The following RSPH10B variants were observed in gnomAD, a reference collection of about 807,000 sequenced individuals.
The protein encoded by RSPH10B is radial spoke head 10 homolog B (Chlamydomonas).
A neutral mutation model predicts 52.5 loss-of-function variants in RSPH10B; 7 were observed. The ratio of observed to expected loss-of-function variants is 0.13; its 90% CI spans 0.08 to 0.25. The LOEUF (loss-of-function observed/expected upper bound fraction) is 0.25, where lower values mean the gene tolerates loss of function less well. Ranked by LOEUF, RSPH10B falls within the 10% of genes least tolerant of loss-of-function variation. The pLI is 1.00. For synonymous variants in RSPH10B, 28 were observed against 193.2 expected, an observed-to-expected ratio of 0.14 and a Z score of 7.09; for missense variants, 89 against 542.5, an observed-to-expected ratio of 0.16 and a Z score of 8.30.
intron 10 of RSPH10B, among the ~76,000 whole-genome samples, chr7:5,947,891 T>TGTGTGTGA (rs1216412138): frequency 2.2e-5 from 2 of 92,798 alleles, no homozygotes; most frequent in African/African-American, 4.3e-5. Context: ...TGTGTGTGTG[T>TGTGTGTGA]GATGGAGTCT....
At position 5,928,294 on chromosome 7, in the gene RSPH10B, T is replaced by C. The variant is rs141918299; in HGVS notation, c.2334A>G (p.Lys778=). ...TTTTCTCCTTGATAGCTTCTTCACG[T>C]TTATACGCATGAAAGAGCGTGTTCA... The change falls in exon 18 of 19, where the codon AAA becomes AAG. Residue 778 remains lysine, a synonymous_variant. Coordinates refer to ENST00000337579, the Ensembl canonical transcript of RSPH10B. 2,024 of 1,613,246 alleles carry C rather than the reference T, an allele frequency of 1.3e-3. 5 individuals carry two copies. Among genetic ancestry groups the C allele is most frequent in the Non-Finnish European group, 1.6e-3 (1,921 of 1,179,636 alleles).
chr7:5,968,499 G>GTT (rs1562584877), upstream of RSPH10B, among the ~76,000 whole-genome samples: 1 of 79,524 alleles, frequency 1.3e-5, no homozygotes, highest in African/African-American at 4.2e-5. Context: ...CTATGGGTTT[G>GTT]TTTATTTATT....
chr7:5,944,902 G>A (rs1471398519), intron 11 of RSPH10B, among the ~76,000 whole-genome samples, 162 bp downstream of exon 13: 2 of 148,488 alleles, frequency 1.3e-5, no homozygotes, highest in Admixed American at 6.8e-5. Flanking sequence ...GGCAGAGGTT[G>A]CAGTGAGCCA....
chr7:5,927,603 T>G (rs1779568382), intron 18 of RSPH10B, among the ~76,000 whole-genome samples: 1 of 141,282 alleles, frequency 7.1e-6, no homozygotes, highest in African/African-American at 2.8e-5. Context: ...ATATAGTCAT[T>G]ACCCCAAAGA....
intron 17 of RSPH10B, among the ~76,000 whole-genome samples, chr7:5,931,316 G>A (rs1419375629): frequency 1.3e-5 from 2 of 151,076 alleles, no homozygotes; most frequent in Non-Finnish European, 3.0e-5. Context: ...AACGGGAAAC[G>A]ACAGGCACTG....
intron 17 of RSPH10B, among the ~76,000 whole-genome samples, chr7:5,928,666 C>CT (rs1779659293): frequency 6.9e-6 from 1 of 144,726 alleles, no homozygotes; most frequent in African/African-American, 2.6e-5. Flanking sequence ...GAATCTCACT[C>CT]TGTCACCCAG....
intron 17 of RSPH10B, 22 bp from the exon 20 acceptor site, chr7:5,928,416 C>G: frequency 6.2e-7 from 1 of 1,603,838 alleles, no homozygotes; most frequent in Non-Finnish European, 8.5e-7. Context: ...TTTCATGAAG[C>G]TGAACATGAA....
chr7:5,938,342 T>C (rs1186342527), intron 14 of RSPH10B, among the ~76,000 whole-genome samples: 1 of 113,210 alleles, frequency 8.8e-6, no homozygotes, highest in Non-Finnish European at 2.0e-5. Flanking sequence ...CCGAGGCAGG[T>C]GGATCACGAG....
At chr7:5,927,022 C>G (rs1313384302) in intron 18 of RSPH10B, among the ~76,000 whole-genome samples, 1 of 95,926 alleles carries the variant, frequency 1.0e-5, no homozygotes, top group Non-Finnish European at 2.1e-5. Context: ...CCCAAAGTTA[C>G]GTGTGTGTGT....
chr7:5,927,070 A>ATTGTGTGTG (rs1554284566), intron 18 of RSPH10B, among the ~76,000 whole-genome samples: 7 of 110,724 alleles, frequency 6.3e-5, no homozygotes, highest in African/African-American at 2.3e-4. Context: ...GTGTGTGTAT[A>ATTGTGTGTG]TGTGTGTGTG....
intron 18 of RSPH10B, among the ~76,000 whole-genome samples, chr7:5,927,100 T>TGTA (rs1779530712): frequency 1.1e-4 from 7 of 63,640 alleles, no homozygotes; most frequent in Non-Finnish European, 2.2e-4. Flanking sequence ...GTGTGTGTAT[T>TGTA]TTTTTTTTTG....
intron 13 of RSPH10B, among the ~76,000 whole-genome samples, chr7:5,941,755 T>A: frequency 1.4e-5 from 2 of 139,596 alleles, no homozygotes; most frequent in Non-Finnish European, 3.2e-5. Flanking sequence ...AAAAAAAAAG[T>A]ATCATGGAAC....
chr7:5,938,599 AG>A, intron 14 of RSPH10B, 122 bp downstream of exon 16: 2 of 75,240 alleles, frequency 2.7e-5, no homozygotes, highest in Non-Finnish European at 5.3e-5. Flanking sequence ...AAAAAAAAAA[AG>A]CATCAGTGAA....
In RSPH10B at chr7:5,960,877, G is replaced by A. The variant is rs758284259; in HGVS notation, c.400-13C>T. On this transcript the variant is annotated splice_polypyrimidine_tract_variant and intron_variant, in intron 3 of 18. Coordinates refer to ENST00000337579, the Ensembl canonical transcript of RSPH10B. Reference sequence around the variant, plus strand: ...TCACAAAGTCGCCCTGAAGCAGAACGGCCATGGGGTGACAGAAGGAAGTGT... The same window carrying A: ...TCACAAAGTCGCCCTGAAGCAGAACAGCCATGGGGTGACAGAAGGAAGTGT... 31 of 1,068,544 alleles carry A rather than the reference G, an allele frequency of 2.9e-5. 11 individuals carry two copies. The highest frequency in any genetic ancestry group is 3.7e-5 in the Non-Finnish European group (31 of 838,520). 66.2% of individuals were successfully genotyped at this position (1,068,544 alleles called of 1,614,324 possible).
At chr7:5,947,529 C>T (rs1254975056) in intron 10 of RSPH10B, among the ~76,000 whole-genome samples, 9 of 63,156 alleles carry the variant, frequency 1.4e-4, no homozygotes, top group African/African-American at 5.0e-4. Flanking sequence ...GCCTAACCAA[C>T]ATGGAAAAAC....
intron 6 of RSPH10B, among the ~76,000 whole-genome samples, chr7:5,956,719 C>A (rs56185929): frequency 0.81 from 117,679 of 145,586 alleles, 45,830 homozygotes; most frequent in East Asian, 0.93. Flanking sequence ...CAGGCACCAG[C>A]AACCACTCCC....
chr7:5,941,978 G>A (rs4521677), intron 13 of RSPH10B, among the ~76,000 whole-genome samples: 24,125 of 143,162 alleles, frequency 0.17, 884 homozygotes, highest in Admixed American at 0.27. Flanking sequence ...TTGCAACCTC[G>A]GCCTCCCAGG....
Position 5,942,928 on chromosome 7 carries a change from T to TTATATATATATATATATATA in RSPH10B, c.1758+395_1758+396insTATATATATATATATATATA, listed in dbSNP as rs1244452966. Among the ~76,000 whole-genome samples, 361 of 84,882 alleles carry TTATATATATATATATATATA rather than the reference T, an allele frequency of 4.3e-3. 3 individuals carry two copies. The highest frequency in any genetic ancestry group is 0.013 in the African/African-American group (346 of 27,668). The allele number at this position is 84,882 out of a possible 152,430, so 55.7% of individuals were successfully genotyped here. The stretch of plus-strand genomic sequence containing the variant: ...TATATTTATTTATATATATATATAT[T>TTATATATATATATATATATA]TTTTTTTAAGACAATGGCCCATGGC... On this transcript the variant is annotated intron_variant, in intron 13 of 18. Transcript: ENST00000337579.
intron 17 of RSPH10B, among the ~76,000 whole-genome samples, chr7:5,932,003 AAAAG>A (rs1779800325): frequency 6.7e-6 from 1 of 150,268 alleles, no homozygotes; most frequent in Non-Finnish European, 1.5e-5. Context: ...AAAGAAAAAG[AAAAG>A]AAAAGAAAAG....
Sources: gnomAD v4.1 joint callset for allele counts (sites outside exome capture counted in the v4.1 genomes callset) on GRCh38, gnomAD v4.1.1 for gene constraint, MANE v1.5 for transcripts, NCBI Gene and HGNC (gene_info 2026-07-23, HGNC 2026-07-21) for gene names.